Variants in INSYN2B observed in about 807,000 individuals in gnomAD.
The protein encoded by INSYN2B is inhibitory synaptic factor family member 2B.
In INSYN2B, 16 loss-of-function variants were observed where a neutral mutation model predicts 41.2. That is an observed-to-expected ratio of 0.39 (90% confidence interval 0.26 to 0.59). The LOEUF (loss-of-function observed/expected upper bound fraction) is 0.59. Among genes scored for constraint, INSYN2B ranks in the 20% least tolerant of loss-of-function variants. The probability of loss-of-function intolerance (pLI) is 0.57; values close to 1 mark genes in which losing one functional copy is unlikely to be tolerated. For synonymous variants in INSYN2B, 245 were observed against 244.4 expected, an observed-to-expected ratio of 1.00 and a Z score of -0.02; for missense variants, 608 against 646.4, an observed-to-expected ratio of 0.94 and a Z score of 0.64.
intron 1 of INSYN2B, among the ~76,000 whole-genome samples, chr5:169,979,203 G>T (rs1480605035): frequency 6.6e-6 from 1 of 152,164 alleles, no homozygotes; most frequent in Non-Finnish European, 1.5e-5. Context: ...TTCTGACAGG[G>T]CTGGGAGTTC....
chr5:169,976,234 T>C lies in INSYN2B; in HGVS notation c.-919+4043A>G, dbSNP rs570011374. On this transcript the variant is annotated intron_variant, in intron 1 of 3. Transcript: ENST00000377365. ...AAATCTCTGCCCATGAGAGTGCTGA[T>C]GTGGAAGACGTGGCGGGTTTTTAAG... Among the ~76,000 whole-genome samples the C allele has an allele frequency of 1.2e-4, 19 of 152,338 alleles. No individual in the cohort carries two copies. The East Asian group carries it at 3.5e-3, about 28-fold the overall frequency.
intron 1 of INSYN2B, among the ~76,000 whole-genome samples, chr5:169,902,198 C>T (rs1405984557): frequency 2.0e-5 from 3 of 152,170 alleles, no homozygotes; most frequent in Non-Finnish European, 4.4e-5. Flanking sequence ...TTAGTCTAGT[C>T]GTGTTTAACT....
chr5:169,953,376 T>C (rs1776745877), intron 1 of INSYN2B, among the ~76,000 whole-genome samples: 1 of 150,246 alleles, frequency 6.7e-6, no homozygotes, highest in Non-Finnish European at 1.5e-5. Context: ...GGCTTTAGAA[T>C]AAGACTGGAG....
At chr5:169,933,927 A>G (rs1001470147) in intron 1 of INSYN2B, among the ~76,000 whole-genome samples, 1 of 152,196 alleles carries the variant, frequency 6.6e-6, no homozygotes, top group Non-Finnish European at 1.5e-5. Context: ...GTCGCCATTA[A>G]TGCTACTGAC....
At chr5:169,876,528 G>A (rs150951672) in intron 3 of INSYN2B, among the ~76,000 whole-genome samples, 110 of 152,280 alleles carry the variant, frequency 7.2e-4, no homozygotes, top group African/African-American at 2.6e-3. Context: ...AGAAGTCCTG[G>A]GCAATAATGT....
At chr5:169,944,112 A>G (rs1776354632) in intron 1 of INSYN2B, among the ~76,000 whole-genome samples, 1 of 152,186 alleles carries the variant, frequency 6.6e-6, no homozygotes, top group Non-Finnish European at 1.5e-5. Context: ...AACACTAACC[A>G]TGGCTCCCTT....
chr5:169,893,275 C>T (rs1581371450), intron 1 of INSYN2B, among the ~76,000 whole-genome samples: 1 of 152,192 alleles, frequency 6.6e-6, no homozygotes, highest in East Asian at 1.9e-4. Flanking sequence ...TGAAAGGTCA[C>T]CTCCAGCTTG....
At chr5:169,906,607 C>T (rs548883164) in intron 1 of INSYN2B, among the ~76,000 whole-genome samples, 11 of 152,278 alleles carry the variant, frequency 7.2e-5, no homozygotes, top group South Asian at 2.1e-4. Flanking sequence ...GCTGGGGTTA[C>T]GGGTATGAGC....
rs571979151 is a variant in INSYN2B at position 169,929,571 on chromosome 5, TAACAAC to T, written c.-918-44761_-918-44756del. On this transcript the variant is annotated intron_variant, in intron 1 of 3. Coordinates refer to ENST00000377365, the MANE Select transcript of INSYN2B (RefSeq NM_001129891.3). ...GGGCAACATGATGAAACCTTGTCTC[TAACAAC>T]AACAACAACAACAAAATTAGCTGAG... Among the ~76,000 whole-genome samples, 124 of 151,654 alleles carry T rather than the reference TAACAAC, an allele frequency of 8.2e-4. 1 individual carries two copies. The highest frequency in any genetic ancestry group is 2.8e-3 in the African/African-American group (116 of 41,356).
chr5:169,875,273 G>A (rs1296181466), intron 3 of INSYN2B: 1 of 456,542 alleles, frequency 2.2e-6, no homozygotes, highest in East Asian at 6.9e-5. Context: ...CACACTCTCT[G>A]ATTCAGTGGC....
chr5:169,920,813 C>T (rs1022797636), intron 1 of INSYN2B, among the ~76,000 whole-genome samples: 2 of 151,972 alleles, frequency 1.3e-5, no homozygotes, highest in Non-Finnish European at 2.9e-5. Flanking sequence ...TTATCATGAT[C>T]TATGTGGATG....
chr5:169,942,932 A>T (rs531543289), intron 1 of INSYN2B, among the ~76,000 whole-genome samples: 1 of 152,330 alleles, frequency 6.6e-6, no homozygotes, highest in African/African-American at 2.4e-5. Flanking sequence ...TCACAATGTC[A>T]TTAGGATTAA....
intron 1 of INSYN2B, among the ~76,000 whole-genome samples, chr5:169,960,234 G>A (rs1197361408): frequency 2.0e-5 from 3 of 152,216 alleles, no homozygotes; most frequent in East Asian, 1.9e-4. Context: ...AGAAAGCTGT[G>A]TATGCCTTCC....
At chr5:169,975,825 A>G (rs562451348) in intron 1 of INSYN2B, among the ~76,000 whole-genome samples, 1 of 152,336 alleles carries the variant, frequency 6.6e-6, no homozygotes, top group African/African-American at 2.4e-5. Flanking sequence ...GCTTCTTAAG[A>G]ACAAAGCCTT....
chr5:169,894,947 C>CA (rs1348605340), intron 1 of INSYN2B, among the ~76,000 whole-genome samples: 2 of 152,178 alleles, frequency 1.3e-5, no homozygotes, highest in East Asian at 3.9e-4. Context: ...GTTGTGGCCC[C>CA]CCGTGAGGTC....
At chr5:169,945,287 A>G (rs770361236) in intron 1 of INSYN2B, among the ~76,000 whole-genome samples, 2 of 152,270 alleles carry the variant, frequency 1.3e-5, no homozygotes, top group Non-Finnish European at 2.9e-5. Flanking sequence ...ACGCCTTAGC[A>G]GGCATATACC....
chr5:169,970,876 C>T (rs1405360417), intron 1 of INSYN2B, among the ~76,000 whole-genome samples: 1 of 152,084 alleles, frequency 6.6e-6, no homozygotes, highest in Non-Finnish European at 1.5e-5. Flanking sequence ...GTTGATTTTT[C>T]TTTAATTGAG....
At chr5:169,949,193 A>G (rs180881701) in intron 1 of INSYN2B, among the ~76,000 whole-genome samples, 113 of 152,340 alleles carry the variant, frequency 7.4e-4, no homozygotes, top group Non-Finnish European at 1.4e-3. Flanking sequence ...CTGATTATCA[A>G]TTCAACTCCA....
intron 1 of INSYN2B, among the ~76,000 whole-genome samples, chr5:169,893,645 G>A (rs1773424395): frequency 6.6e-6 from 1 of 152,126 alleles, no homozygotes; most frequent in African/African-American, 2.4e-5. Flanking sequence ...GGAAGGGAGA[G>A]AGCAGAAGTG....
Sources: gnomAD v4.1 joint callset for allele counts (sites outside exome capture counted in the v4.1 genomes callset) on GRCh38, gnomAD v4.1.1 for gene constraint, MANE v1.5 for transcripts, NCBI Gene and HGNC (gene_info 2026-07-23, HGNC 2026-07-21) for gene names.